The following PPP2R3A variants were observed in gnomAD, a reference collection of about 807,000 sequenced individuals.
PPP2R3A encodes protein phosphatase 2 regulatory subunit B''alpha, also known as serine/threonine-protein phosphatase 2A regulatory subunit B'' subunit alpha.
A neutral mutation model predicts 106.9 loss-of-function variants in PPP2R3A; 80 were observed. The ratio of observed to expected loss-of-function variants is 0.75; its 90% CI spans 0.62 to 0.90. The LOEUF is 0.90. Ranked by LOEUF, PPP2R3A falls within the 40% of genes least tolerant of loss-of-function variation. The pLI is 0.00. For synonymous variants in PPP2R3A, 483 were observed against 468.3 expected, an observed-to-expected ratio of 1.03 and a Z score of -0.41; for missense variants, 1,386 against 1,350.4, an observed-to-expected ratio of 1.03 and a Z score of -0.41.
Position 136,145,848 on chromosome 3 carries a change from A to C in PPP2R3A, c.*682A>C, listed in dbSNP as rs1447942012. 2 of 152,458 alleles carry C rather than the reference A, an allele frequency of 1.3e-5. No individual in the cohort carries two copies. Among genetic ancestry groups the C allele is most frequent in the African/African-American group, 4.8e-5 (2 of 41,446 alleles). 9.4% of individuals were successfully genotyped at this position (152,458 alleles called of 1,614,324 possible). ...GGATCTTATATAAAATCTCAAGATAAAAAAACACTTCTTAAATGAAGTATA... is the reference window on the plus strand; with the variant it reads ...GGATCTTATATAAAATCTCAAGATACAAAAACACTTCTTAAATGAAGTATA... On this transcript the variant is annotated 3_prime_UTR_variant, in exon 14 of 14. Coordinates refer to ENST00000264977, the MANE Select transcript of PPP2R3A (RefSeq NM_002718.5).
At chr3:136,116,577 G>A (rs185471916) in intron 13 of PPP2R3A, among the ~76,000 whole-genome samples, 7 of 152,248 alleles carry the variant, frequency 4.6e-5, no homozygotes, top group Admixed American at 6.5e-5. Flanking sequence ...GCAGAAAGAA[G>A]CAGGAGTTCC....
In PPP2R3A at chr3:135,978,024, A is replaced by T. The variant is rs972915193; in HGVS notation, c.-441+12175A>T. Among the ~76,000 whole-genome samples the T allele has an allele frequency of 4.6e-5, 7 of 152,054 alleles. No individual in the cohort carries two copies. In the South Asian group the frequency reaches 1.0e-3, roughly 23 times the overall value. ...CTGATCAGCATTCTTATAAAACATC[A>T]AGATATATCTAATATTTTTAAAACT... is the stretch of plus-strand genomic sequence containing the variant. On this transcript the variant is annotated intron_variant, in intron 1 of 13. Coordinates refer to ENST00000264977, the MANE Select transcript of PPP2R3A (RefSeq NM_002718.5).
rs1437172504 is a variant in PPP2R3A, at chr3:136,145,757, C to T, written c.*591C>T. ...TGCCAAACTACTAGTCACTTTACATCCTCAGGTATTGTAACCACTGGGCCT... is the reference window on the plus strand; with the variant it reads ...TGCCAAACTACTAGTCACTTTACATTCTCAGGTATTGTAACCACTGGGCCT... On this transcript the variant is annotated 3_prime_UTR_variant, in exon 14 of 14. Transcript: ENST00000264977. The T allele has an allele frequency of 6.6e-6, 1 of 152,600 alleles. No homozygotes were observed. Among genetic ancestry groups the T allele is most frequent in the Non-Finnish European group, 1.5e-5 (1 of 68,038 alleles). The allele number at this position is 152,600 out of a possible 1,614,324, so 9.5% of individuals were successfully genotyped here. A position where few individuals can be genotyped will look rare whatever the true frequency, so the allele number is the denominator to read the frequency against.
At chr3:136,114,717 G>C (rs1034085285) in intron 13 of PPP2R3A, among the ~76,000 whole-genome samples, 1 of 152,196 alleles carries the variant, frequency 6.6e-6, no homozygotes, top group East Asian at 1.9e-4. Flanking sequence ...GCTGTGGCCA[G>C]ACTGCCTCTC....
intron 13 of PPP2R3A, among the ~76,000 whole-genome samples, chr3:136,117,816 G>A (rs144997399): frequency 0.016 from 2,489 of 152,206 alleles, 40 homozygotes; most frequent in Non-Finnish European, 0.025. Flanking sequence ...AGCTGGTACC[G>A]TTCCTTCTGA....
chr3:136,043,924 A>G (rs1249660637), intron 4 of PPP2R3A, among the ~76,000 whole-genome samples: 1 of 152,184 alleles, frequency 6.6e-6, no homozygotes, highest in East Asian at 1.9e-4. Context: ...CTGGCAGAAA[A>G]TTGTAATTCA....
chr3:136,082,358 G>T lies in PPP2R3A; in HGVS notation c.2725G>T (p.Glu909Ter). ...CTATGTTATTTATTGTAAATTCTGG[G>T]AACTAGATACTGATCACGACCTCTA... The part of the protein sequence containing the change: ...HFYVIYCKFW[E>*]LDTDHDLYIS... Residue 909 changes from glutamate to a stop codon, truncating the protein, a stop_gained, in exon 8 of 14, where the codon GAA becomes TAA. Coordinates refer to ENST00000264977, the MANE Select transcript of PPP2R3A (RefSeq NM_002718.5). LOFTEE classifies it high-confidence loss of function. 3 of 1,612,658 alleles carry T rather than the reference G, an allele frequency of 1.9e-6. No individual in the cohort carries two copies. The highest frequency in any genetic ancestry group is 2.5e-6 in the Non-Finnish European group (3 of 1,178,814).
intron 2 of PPP2R3A, among the ~76,000 whole-genome samples, chr3:136,006,352 C>T (rs905765722): frequency 2.0e-5 from 3 of 152,166 alleles, no homozygotes; most frequent in African/African-American, 7.2e-5. Flanking sequence ...AACCATTCTT[C>T]CTTGACTCAG....
In PPP2R3A at chr3:135,980,956, A is replaced by G. The variant is rs139143398; in HGVS notation, c.-441+15107A>G. The stretch of plus-strand genomic sequence containing the variant: ...TGTACTGAATGACAGTGGTAACATC[A>G]GAAGCTCTTAATGGTTTCCAGTCAT... On this transcript the variant is annotated intron_variant, in intron 1 of 13. Coordinates refer to ENST00000264977, the MANE Select transcript of PPP2R3A (RefSeq NM_002718.5). 1.4e-4 allele frequency among the ~76,000 whole-genome samples: 22 copies of G among 152,068 alleles called. No homozygotes were observed. The East Asian group carries it at 4.2e-3, about 29-fold the overall frequency.
chr3:136,089,185 A>C (rs997267347), intron 9 of PPP2R3A, among the ~76,000 whole-genome samples: 1 of 152,148 alleles, frequency 6.6e-6, no homozygotes, highest in African/African-American at 2.4e-5. Context: ...GGTATTTCCT[A>C]GGGTTTTTTC....
intron 5 of PPP2R3A, among the ~76,000 whole-genome samples, chr3:136,053,053 C>A (rs186583311): frequency 5.5e-4 from 84 of 152,282 alleles, no homozygotes; most frequent in Non-Finnish European, 4.6e-4. Flanking sequence ...ACCACATGTT[C>A]TCACTTATAA....
At chr3:136,108,699 G>GT (rs142889271) in intron 13 of PPP2R3A, among the ~76,000 whole-genome samples, 3,481 of 148,798 alleles carry the variant, frequency 0.023, 140 homozygotes, top group African/African-American at 0.078. Context: ...TTATCATTGG[G>GT]TTTTTTTTTT....
intron 2 of PPP2R3A, among the ~76,000 whole-genome samples, chr3:136,011,403 G>T (rs939329804): frequency 3.3e-5 from 5 of 152,042 alleles, no homozygotes; most frequent in Non-Finnish European, 7.4e-5. Context: ...GTTAGTAATT[G>T]TCACTTTGTA....
At chr3:136,070,371 T>A in intron 5 of PPP2R3A, 107 bp from the exon 6 acceptor site, 1 of 757,924 alleles carries the variant, frequency 1.3e-6, no homozygotes, top group South Asian at 2.1e-5. Flanking sequence ...TATTCATTAT[T>A]GTAAAATAGC....
At chr3:135,988,530 T>C (rs1252601102) in intron 1 of PPP2R3A, among the ~76,000 whole-genome samples, 7 of 152,148 alleles carry the variant, frequency 4.6e-5, no homozygotes, top group Admixed American at 4.6e-4. Flanking sequence ...CATCAGGTCA[T>C]GTCATTTCTC....
At position 136,073,974 on chromosome 3, in the gene PPP2R3A, A is replaced by G. The variant is rs140157581; in HGVS notation, c.2544+3422A>G. On this transcript the variant is annotated intron_variant, in intron 6 of 13. Transcript: ENST00000264977. The stretch of plus-strand genomic sequence containing the variant: ...CAGCAAAAACAGTTAAGATCACACT[A>G]TTTCTAAGAAACATATAAAGATCAG... 1.1e-3 allele frequency among the ~76,000 whole-genome samples: 169 copies of G among 152,360 alleles called. 1 individual carries two copies. The highest frequency in any genetic ancestry group is 3.9e-3 in the African/African-American group (164 of 41,590).
At chr3:136,017,297 G>A (rs1934311777) in intron 2 of PPP2R3A, among the ~76,000 whole-genome samples, 2 of 152,122 alleles carry the variant, frequency 1.3e-5, no homozygotes. Context: ...GTGCCTAGGC[G>A]ATGATCTTTT....
At chr3:135,995,667 C>T (rs1158150630) in intron 1 of PPP2R3A, among the ~76,000 whole-genome samples, 2 of 151,824 alleles carry the variant, frequency 1.3e-5, no homozygotes, top group Non-Finnish European at 2.9e-5. Flanking sequence ...GAGATGGGGT[C>T]TCACCATGTT....
chr3:136,039,253 T>C (rs1303172422), intron 3 of PPP2R3A, among the ~76,000 whole-genome samples: 1 of 152,218 alleles, frequency 6.6e-6, no homozygotes, highest in East Asian at 1.9e-4. Context: ...CAACAGATCC[T>C]GGGTCTAATG....
Sources: allele counts gnomAD v4.1 joint callset (sites outside exome capture counted in the v4.1 genomes callset), GRCh38; gene constraint gnomAD v4.1.1; transcripts MANE v1.5; gene names NCBI Gene and HGNC (gene_info 2026-07-23, HGNC 2026-07-21).